PKHD1: variants seen among roughly 807,000 people sequenced by gnomAD.
The protein encoded by PKHD1 is PKHD1 ciliary IPT domain containing fibrocystin/polyductin.
In PKHD1, 291 loss-of-function variants were observed where a neutral mutation model predicts 412.0. The observed-to-expected ratio is 0.71, with a 90% confidence interval of 0.64 to 0.78. PKHD1 has a LOEUF of 0.78. Ranked by LOEUF, PKHD1 falls within the 30% of genes least tolerant of loss-of-function variation. The pLI is 0.00. For synonymous variants in PKHD1, 1,777 were observed against 1,821.5 expected, an observed-to-expected ratio of 0.98 and a Z score of 0.62; for missense variants, 4,825 against 4,950.7, an observed-to-expected ratio of 0.97 and a Z score of 0.76.
chr6:51,659,265 T>G lies in PKHD1; in HGVS notation c.10861A>C (p.Asn3621His), dbSNP rs201221391. ...IADSRAKRKR[N>H]CPTVTCTSHY... Reference sequence around the variant, plus strand: ...CTAGTGCAAGTCACAGTAGGGCAATTGCGCTTTCTTTTTGCTCTACTGTCA... The same window carrying G: ...CTAGTGCAAGTCACAGTAGGGCAATGGCGCTTTCTTTTTGCTCTACTGTCA... Residue 3621 changes from asparagine to histidine, a missense_variant, in exon 61 of 67, where the codon AAT (asparagine) becomes CAT (histidine). Coordinates refer to ENST00000371117, the MANE Select transcript of PKHD1 (RefSeq NM_138694.4). The G allele has an allele frequency of 1.2e-6, 2 of 1,613,834 alleles. No homozygotes were observed. Among genetic ancestry groups the G allele is most frequent in the East Asian group, 4.5e-5 (2 of 44,860 alleles).
intron 60 of PKHD1, among the ~76,000 whole-genome samples, chr6:51,668,254 T>C (rs1246325685): frequency 6.6e-6 from 1 of 152,124 alleles, no homozygotes; most frequent in Non-Finnish European, 1.5e-5. Flanking sequence ...CTTGAAGAGG[T>C]CCTTCACATC....
intron 61 of PKHD1, among the ~76,000 whole-genome samples, chr6:51,650,589 G>C (rs760939056): frequency 1.4e-4 from 22 of 152,106 alleles, no homozygotes; most frequent in Non-Finnish European, 2.8e-4. Flanking sequence ...TGCATGTCAG[G>C]AAAAAGTGAA....
rs35827057 is a variant in PKHD1 at position 51,619,754 on chromosome 6, AT to A, written c.11786-235del. 0.53 allele frequency among the ~76,000 whole-genome samples: 80,370 copies of A among 151,814 alleles called. 21,366 individuals are homozygous for A. Among genetic ancestry groups the A allele is most frequent in the South Asian group, 0.64 (3,083 of 4,808 alleles). ...GTTGATAATTGAATGAGGATTTTTC[AT>A]TGTAAGCGCTAGGCTTCAATGCAAA... On this transcript the variant is annotated intron_variant, in intron 66 of 66. Coordinates refer to ENST00000371117, the MANE Select transcript of PKHD1 (RefSeq NM_138694.4).
chr6:51,784,287 G>C (rs781001017), intron 53 of PKHD1, among the ~76,000 whole-genome samples: 1 of 152,150 alleles, frequency 6.6e-6, no homozygotes, highest in Non-Finnish European at 1.5e-5. Context: ...AATAATAAAG[G>C]TAGTCCTTGG....
chr6:51,912,088 A>G, intron 38 of PKHD1, 132 bp from the exon 39 acceptor site: 1 of 754,010 alleles, frequency 1.3e-6, no homozygotes, highest in Non-Finnish European at 2.2e-6. Context: ...AATACCAAAT[A>G]GTGAACTATA....
rs78281992 is a variant in PKHD1 at position 51,798,023 on chromosome 6, C to T, written c.8303-6650G>A. 4.7e-3 allele frequency among the ~76,000 whole-genome samples: 719 copies of T among 152,238 alleles called. 22 individuals are homozygous for T. The East Asian group carries it at 0.066, about 14-fold the overall frequency. On this transcript the variant is annotated intron_variant, in intron 52 of 66. Coordinates refer to ENST00000371117, the MANE Select transcript of PKHD1 (RefSeq NM_138694.4). The stretch of plus-strand genomic sequence containing the variant: ...TGGTGCCAAATTCCCTCAGCATTTG[C>T]TTATCTGAAAAGGATCTTATTTCAC...
chr6:51,819,141 T>G (rs994578956), intron 52 of PKHD1, among the ~76,000 whole-genome samples: 1 of 152,156 alleles, frequency 6.6e-6, no homozygotes, highest in African/African-American at 2.4e-5. Flanking sequence ...TCAAAATGTT[T>G]CCCTGAATCC....
At chr6:51,751,859 G>A (rs1786168068) in intron 57 of PKHD1, among the ~76,000 whole-genome samples, 1 of 152,152 alleles carries the variant, frequency 6.6e-6, no homozygotes, top group African/African-American at 2.4e-5. Flanking sequence ...GATTAAATAA[G>A]ATAAAATTTT....
chr6:51,791,173 C>T (rs1018356852), intron 53 of PKHD1, 63 bp downstream of exon 53: 1 of 1,532,706 alleles, frequency 6.5e-7, no homozygotes, highest in Admixed American at 1.7e-5. Flanking sequence ...CATCTGTTTC[C>T]CAGAGCCCCT....
chr6:51,872,301 GCAT>G (rs1251237984), intron 46 of PKHD1, among the ~76,000 whole-genome samples: 1 of 152,038 alleles, frequency 6.6e-6, no homozygotes, highest in Non-Finnish European at 1.5e-5. Context: ...ACAGCAAAGT[GCAT>G]CATATTGAAA....
At chr6:51,750,289 G>A (rs1022411884) in intron 57 of PKHD1, among the ~76,000 whole-genome samples, 9 of 152,172 alleles carry the variant, frequency 5.9e-5, no homozygotes, top group Admixed American at 2.6e-4. Flanking sequence ...CTATTTCTTG[G>A]GCAATATCCC....
chr6:51,883,715 G>C (rs1016356095), intron 45 of PKHD1, among the ~76,000 whole-genome samples: 1 of 152,164 alleles, frequency 6.6e-6, no homozygotes. Flanking sequence ...CCAAACAGGG[G>C]TCATATAATA....
At chr6:51,900,715 A>G (rs1187329698) in intron 43 of PKHD1, among the ~76,000 whole-genome samples, 1 of 151,386 alleles carries the variant, frequency 6.6e-6, no homozygotes, top group African/African-American at 2.4e-5. Context: ...AAAAGAAACT[A>G]CCATCAGAGT....
intron 60 of PKHD1, among the ~76,000 whole-genome samples, chr6:51,660,850 T>A (rs1772728847): frequency 6.6e-6 from 1 of 152,064 alleles, no homozygotes; most frequent in African/African-American, 2.4e-5. Flanking sequence ...GGCTCCATTA[T>A]GTAGGTATGA....
At chr6:51,679,447 TG>T (rs1776328432) in intron 60 of PKHD1, among the ~76,000 whole-genome samples, 1 of 151,950 alleles carries the variant, frequency 6.6e-6, no homozygotes, top group African/African-American at 2.4e-5. Context: ...TTTTTTTTTT[TG>T]CCAACTCTCC....
chr6:51,777,684 A>G (rs1320577457), intron 53 of PKHD1, among the ~76,000 whole-genome samples: 4 of 11,056 alleles, frequency 3.6e-4, no homozygotes, highest in East Asian at 0.026. Context: ...TTTGGGAAAA[A>G]AAAAAAAAAA....
At chr6:51,933,768 T>C (rs1787015006) in intron 37 of PKHD1, among the ~76,000 whole-genome samples, 1 of 152,178 alleles carries the variant, frequency 6.6e-6, no homozygotes, top group African/African-American at 2.4e-5. Flanking sequence ...GTCCCCCAGT[T>C]CTGCTCACAT....
chr6:51,701,964 C>T (rs1281395672), intron 60 of PKHD1, among the ~76,000 whole-genome samples: 2 of 150,844 alleles, frequency 1.3e-5, no homozygotes, highest in Non-Finnish European at 1.5e-5. Context: ...AATCATATCT[C>T]AAACAATAAA....
intron 7 of PKHD1, 113 bp from the exon 8 acceptor site, chr6:52,072,302 T>C (rs925390248): frequency 2.7e-6 from 2 of 751,412 alleles, no homozygotes; most frequent in African/African-American, 1.7e-5. Flanking sequence ...CTCCTCTGGA[T>C]TTTTCTGCAC....
Sources: allele counts gnomAD v4.1 joint callset (sites outside exome capture counted in the v4.1 genomes callset), GRCh38; gene constraint gnomAD v4.1.1; transcripts MANE v1.5; gene names NCBI Gene and HGNC (gene_info 2026-07-23, HGNC 2026-07-21).